CACNA1I: variants seen among roughly 807,000 people sequenced by gnomAD.
CACNA1I encodes the protein voltage-dependent T-type calcium channel subunit alpha-1I.
In CACNA1I, 74 loss-of-function variants were observed where a neutral mutation model predicts 201.6. The ratio of observed to expected loss-of-function variants is 0.37; its 90% CI spans 0.30 to 0.45. The LOEUF is 0.45. Ranked by LOEUF, CACNA1I falls within the 20% of genes least tolerant of loss-of-function variation. The pLI is 1.00. For missense variants in CACNA1I, 2,346 were observed against 3,138.1 expected, an observed-to-expected ratio of 0.75 and a Z score of 6.03; for synonymous variants, 1,431 against 1,345.2, an observed-to-expected ratio of 1.06 and a Z score of -1.40.
intron 3 of CACNA1I, among the ~76,000 whole-genome samples, chr22:39,608,849 T>C (rs1211128520): frequency 6.6e-6 from 1 of 151,848 alleles, no homozygotes; most frequent in Non-Finnish European, 1.5e-5. Flanking sequence ...AAAAAAAATT[T>C]ATTGTACCCT....
Position 39,599,932 on chromosome 22 carries a change from C to T in CACNA1I, c.349-588C>T, listed in dbSNP as rs976585875. ...CCCTCAGGAAGCATAATCTCATAGC[C>T]TCCTTTGTGGGCAGAGAAAGGCAAC... On this transcript the variant is annotated intron_variant, in intron 2 of 36. Transcript: ENST00000402142. Among the ~76,000 whole-genome samples the T allele has an allele frequency of 1.2e-4, 19 of 152,218 alleles. 1 individual carries two copies. The highest frequency in any genetic ancestry group is 3.3e-4 in the Admixed American group (5 of 15,280).
At chr22:39,577,894 C>T (rs1932411587) in intron 1 of CACNA1I, among the ~76,000 whole-genome samples, 1 of 152,242 alleles carries the variant, frequency 6.6e-6, no homozygotes, top group Admixed American at 6.5e-5. Context: ...CTTGCCCTTG[C>T]TGAGCGTCTG....
At chr22:39,647,235 C>A (rs185732300) in intron 8 of CACNA1I, among the ~76,000 whole-genome samples, 16 of 152,346 alleles carry the variant, frequency 1.1e-4, no homozygotes, top group African/African-American at 1.4e-4. Flanking sequence ...TCTTCCCCCC[C>A]ACTGCAGCCA....
At chr22:39,640,714 G>A (rs1490789269) in intron 5 of CACNA1I, among the ~76,000 whole-genome samples, 153 bp from the exon 6 acceptor site, 1 of 152,172 alleles carries the variant, frequency 6.6e-6, no homozygotes, top group African/African-American at 2.4e-5. Flanking sequence ...AACAGAGGTG[G>A]GGAAGGGTGA....
At position 39,649,595 on chromosome 22, in the gene CACNA1I, T is replaced by C; in HGVS notation, c.1662T>C (p.Pro554=). 1 of 1,543,860 alleles carries C rather than the reference T, an allele frequency of 6.5e-7. No homozygotes were observed. The highest frequency in any genetic ancestry group is 8.7e-7 in the Non-Finnish European group (1 of 1,143,908). The change falls in exon 10 of 37, where the codon CCT becomes CCC. Residue 554 remains proline, a synonymous_variant. Transcript: ENST00000402142. This position sits in a 1 kb window ranked among gnomAD's most constrained non-coding sequence, Gnocchi z 7.3. ...ATLASDPASC[P]CCQHEDGRRP... ...TGGCTTCCGATCCCGCCAGCTGCCC[T>C]TGCTGCCAGCATGAGGACGGCCGGC...
At position 39,684,743 on chromosome 22, in the gene CACNA1I, G is replaced by A. The variant is rs192168852; in HGVS notation, c.6027+245G>A. The A allele has an allele frequency of 7.3e-5, 44 of 600,526 alleles. No homozygotes were observed. The highest frequency in any genetic ancestry group is 1.2e-4 in the Non-Finnish European group (39 of 337,646). 37.2% of individuals were successfully genotyped at this position (600,526 alleles called of 1,614,324 possible). On this transcript the variant is annotated intron_variant, in intron 36 of 36. Coordinates refer to ENST00000402142, the MANE Select transcript of CACNA1I (RefSeq NM_021096.4). This position sits in a 1 kb window ranked among gnomAD's most constrained non-coding sequence, Gnocchi z 4.6. ...AGAGTGTGGGGAGGACCCCAAGGCG[G>A]GTCTGGAAGAGGCCTGTGATCCCTA...
chr22:39,589,175 G>T (rs542837304), intron 1 of CACNA1I, among the ~76,000 whole-genome samples: 1 of 152,188 alleles, frequency 6.6e-6, no homozygotes, highest in East Asian at 1.9e-4. Context: ...AATCATCCCT[G>T]GTTGAAAACC....
Position 39,684,659 on chromosome 22 carries a change from T to G in CACNA1I, c.6027+161T>G, listed in dbSNP as rs1026360056. ...GGGAACGCTGGGGTGACGCTGAGACTGGAGGGGGAGGTGGCACTGGGGCGG... is the reference window on the plus strand; with the variant it reads ...GGGAACGCTGGGGTGACGCTGAGACGGGAGGGGGAGGTGGCACTGGGGCGG... On this transcript the variant is annotated intron_variant, in intron 36 of 36. Coordinates refer to ENST00000402142, the MANE Select transcript of CACNA1I (RefSeq NM_021096.4). The surrounding 1 kb of genome is among the most constrained non-coding windows in gnomAD (Gnocchi z 4.6). 9.6e-6 allele frequency: 6 copies of G among 627,538 alleles called. No homozygotes were observed. Among genetic ancestry groups the G allele is most frequent in the Non-Finnish European group, 1.6e-5 (6 of 381,510 alleles). 38.9% of individuals were successfully genotyped at this position (627,538 alleles called of 1,614,324 possible).
chr22:39,657,223 G>A (rs949368535), intron 10 of CACNA1I, among the ~76,000 whole-genome samples: 1 of 152,192 alleles, frequency 6.6e-6, no homozygotes, highest in Non-Finnish European at 1.5e-5. Flanking sequence ...CCATTTGCAG[G>A]ATATCAGTTA....
At chr22:39,656,412 G>T (rs751142677) in intron 10 of CACNA1I, 23 of 518,950 alleles carry the variant, frequency 4.4e-5, no homozygotes, top group South Asian at 2.9e-4. Flanking sequence ...TTAGGTCTCT[G>T]CTGAGATGTC....
rs1015652451 is a variant in CACNA1I, at chr22:39,645,122, G to A, written c.1150-1447G>A. On this transcript the variant is annotated intron_variant, in intron 7 of 36. Transcript: ENST00000402142. ...CTACCTCAGCTTCCTGAGTAGCTGG[G>A]ATTACAGGCATGCACCACCATGCCC... Among the ~76,000 whole-genome samples, 11 of 151,922 alleles carry A rather than the reference G, an allele frequency of 7.2e-5. 1 individual carries two copies. Among genetic ancestry groups the A allele is most frequent in the Admixed American group, 4.6e-4 (7 of 15,266 alleles).
intron 29 of CACNA1I, 91 bp downstream of exon 29, chr22:39,674,124 ACATCTGC>A (rs774852271): frequency 6.5e-5 from 80 of 1,232,936 alleles, no homozygotes; most frequent in Non-Finnish European, 8.9e-5. Flanking sequence ...CCTTCTCCTC[ACATCTGC>A]CAGAGCCAGG....
intron 1 of CACNA1I, among the ~76,000 whole-genome samples, chr22:39,572,356 G>A (rs952079683): frequency 4.6e-5 from 7 of 152,120 alleles, no homozygotes; most frequent in African/African-American, 1.4e-4. Flanking sequence ...GGCAGGGTGC[G>A]GGGAGCTGGT....
intron 1 of CACNA1I, among the ~76,000 whole-genome samples, chr22:39,586,748 C>A (rs890667556): frequency 2.6e-5 from 4 of 152,110 alleles, no homozygotes; most frequent in Non-Finnish European, 4.4e-5. Flanking sequence ...AGGGGAGACA[C>A]GCGGCAGAGG....
intron 1 of CACNA1I, among the ~76,000 whole-genome samples, chr22:39,588,853 A>G (rs1932789670): frequency 6.6e-6 from 1 of 152,026 alleles, no homozygotes; most frequent in African/African-American, 2.4e-5. Context: ...TCTTAACTTC[A>G]TGTAATTGGA....
At chr22:39,581,979 G>C (rs1932566866) in intron 1 of CACNA1I, among the ~76,000 whole-genome samples, 1 of 152,176 alleles carries the variant, frequency 6.6e-6, no homozygotes. Flanking sequence ...GCACTTCCAA[G>C]CAGGAGGAGA....
intron 4 of CACNA1I, among the ~76,000 whole-genome samples, chr22:39,630,513 T>C (rs1934030677): frequency 6.6e-6 from 1 of 152,192 alleles, no homozygotes; most frequent in African/African-American, 2.4e-5. Flanking sequence ...GCTCCTTTAC[T>C]CATTCAAGCT....
chr22:39,669,487 G>A (rs1935298211), intron 24 of CACNA1I, among the ~76,000 whole-genome samples: 1 of 152,128 alleles, frequency 6.6e-6, no homozygotes, highest in Non-Finnish European at 1.5e-5. Context: ...GCTGGTGGGT[G>A]GATGGATGGG....
intron 1 of CACNA1I, among the ~76,000 whole-genome samples, chr22:39,577,511 CGAA>C (rs1327242468): frequency 6.6e-6 from 1 of 152,190 alleles, no homozygotes. Flanking sequence ...TTGAGGCTGT[CGAA>C]GGAGGGGATG....
Sources: gnomAD v4.1 joint callset for allele counts (sites outside exome capture counted in the v4.1 genomes callset) on GRCh38, gnomAD v4.1.1 for gene constraint, Gnocchi (gnomAD v3.1) non-coding constraint, MANE v1.5 for transcripts, NCBI Gene and HGNC (gene_info 2026-07-23, HGNC 2026-07-21) for gene names.